Variants in RGS7 observed in about 807,000 individuals in gnomAD.
RGS7 encodes regulator of G protein signaling 7, also known as regulator of G-protein signaling 7.
RGS7 carries 27 observed loss-of-function variants against 81.1 expected under a neutral mutation model. The ratio of observed to expected loss-of-function variants is 0.33; its 90% CI spans 0.25 to 0.46. The LOEUF is 0.46. Among genes scored for constraint, RGS7 ranks in the 20% least tolerant of loss-of-function variants. The pLI is 1.00. For synonymous variants in RGS7, 208 were observed against 207.7 expected (o/e 1.00, Z -0.01); for missense variants, 396 against 607.4 (o/e 0.65, Z 3.66).
At chr1:241,079,031 G>C (rs1375111406) in intron 3 of RGS7, among the ~76,000 whole-genome samples, 1 of 152,094 alleles carries the variant, frequency 6.6e-6, no homozygotes, top group East Asian at 1.9e-4. Context: ...GAGTGTTTGG[G>C]GGGCTCTGGA....
At chr1:241,132,437 C>T (rs1231237509) in intron 2 of RGS7, 1 of 153,722 alleles carries the variant, frequency 6.5e-6, no homozygotes, top group East Asian at 1.9e-4. Flanking sequence ...GGACCCCTGT[C>T]CCCATGCAGT....
chr1:241,059,736 G>T (rs1340803447), intron 3 of RGS7, among the ~76,000 whole-genome samples: 1 of 150,200 alleles, frequency 6.7e-6, no homozygotes, highest in Non-Finnish European at 1.5e-5. Flanking sequence ...GTGGTTGATT[G>T]GTCCCACCAC....
At chr1:240,902,009 T>C (rs1558439440) in intron 6 of RGS7, among the ~76,000 whole-genome samples, 2 of 152,364 alleles carry the variant, frequency 1.3e-5, no homozygotes, top group Non-Finnish European at 1.5e-5. Context: ...TAAGGGTCAA[T>C]AGAGCCATCG....
intron 18 of RGS7, among the ~76,000 whole-genome samples, chr1:240,793,868 T>G (rs1018224711): frequency 6.6e-6 from 1 of 151,958 alleles, no homozygotes; most frequent in African/African-American, 2.4e-5. Flanking sequence ...CGCCTCAGCC[T>G]CCCAAAGTGC....
At chr1:241,240,146 T>C (rs1573302222) in intron 2 of RGS7, among the ~76,000 whole-genome samples, 1 of 152,124 alleles carries the variant, frequency 6.6e-6, no homozygotes, top group East Asian at 1.9e-4. Flanking sequence ...GTGAGACAGA[T>C]GGCCAAGAGA....
At chr1:241,126,111 T>G (rs1004318636) in intron 2 of RGS7, among the ~76,000 whole-genome samples, 50 of 152,004 alleles carry the variant, frequency 3.3e-4, no homozygotes, top group African/African-American at 1.2e-3. Flanking sequence ...GAAATGGGAA[T>G]AATTGAGGTT....
chr1:240,806,342 G>T lies in RGS7; in HGVS notation c.1083-16C>A, dbSNP rs758875724. On this transcript the variant is annotated splice_polypyrimidine_tract_variant and intron_variant, in intron 14 of 18. Coordinates refer to ENST00000440928, the MANE Select transcript of RGS7 (RefSeq NM_001364886.1). ...CAGCCAGAATCTATGCAGAATGTGA[G>T]ATCGGGTGTTTACTCTGATGGCCCA... 1.2e-6 allele frequency: 2 copies of T among 1,613,088 alleles called. No individual in the cohort carries two copies. The highest frequency in any genetic ancestry group is 1.7e-6 in the Non-Finnish European group (2 of 1,179,224).
intron 2 of RGS7, among the ~76,000 whole-genome samples, chr1:241,178,498 C>T (rs2071344895): frequency 6.6e-6 from 1 of 151,992 alleles, no homozygotes. Context: ...GTTCATTCAG[C>T]ACCTGTAGGT....
intron 2 of RGS7, among the ~76,000 whole-genome samples, chr1:241,320,220 G>A (rs1443604812): frequency 6.6e-6 from 1 of 152,196 alleles, no homozygotes. Flanking sequence ...CCTAATAGGT[G>A]CTGTTGCTGA....
chr1:240,960,445 T>C (rs1681230990), intron 4 of RGS7, among the ~76,000 whole-genome samples: 2 of 151,222 alleles, frequency 1.3e-5, no homozygotes, highest in South Asian at 2.1e-4. Flanking sequence ...GGTTTCACCA[T>C]GTCACAGGCT....
intron 4 of RGS7, among the ~76,000 whole-genome samples, chr1:240,970,356 G>T (rs1287774492): frequency 6.6e-6 from 1 of 152,188 alleles, no homozygotes. Flanking sequence ...TACATTCTAG[G>T]TTTGGGGACT....
At chr1:240,903,065 C>T (rs1015027616) in intron 6 of RGS7, among the ~76,000 whole-genome samples, 5 of 152,178 alleles carry the variant, frequency 3.3e-5, no homozygotes, top group African/African-American at 1.2e-4. Flanking sequence ...GTTCTGATAG[C>T]AAAGTTTAAA....
At chr1:241,097,244 G>T (rs1572676653) in intron 3 of RGS7, among the ~76,000 whole-genome samples, 1 of 151,900 alleles carries the variant, frequency 6.6e-6, no homozygotes, top group East Asian at 1.9e-4. Context: ...GAGGAGAGGA[G>T]AAATGGAGTG....
intron 6 of RGS7, among the ~76,000 whole-genome samples, chr1:240,896,288 T>C (rs1447235754): frequency 6.6e-6 from 1 of 152,364 alleles, no homozygotes; most frequent in African/African-American, 2.4e-5. Flanking sequence ...TTTAGTTTAA[T>C]TAGATCCCAT....
intron 2 of RGS7, among the ~76,000 whole-genome samples, chr1:241,325,459 C>T (rs1035614474): frequency 1.3e-5 from 2 of 152,064 alleles, no homozygotes; most frequent in African/African-American, 2.4e-5. Context: ...GACCATAGGA[C>T]GGTAAAAAGG....
intron 3 of RGS7, among the ~76,000 whole-genome samples, chr1:241,062,445 C>T (rs1427364250): frequency 5.3e-5 from 8 of 152,064 alleles, no homozygotes; most frequent in Non-Finnish European, 1.2e-4. Context: ...ATCAGATTAC[C>T]GGTGAAAATT....
chr1:241,139,370 A>T (rs1413965505), intron 2 of RGS7, among the ~76,000 whole-genome samples: 1 of 151,586 alleles, frequency 6.6e-6, no homozygotes, highest in Non-Finnish European at 1.5e-5. Context: ...CTAATGTACT[A>T]CATTTTGTTT....
At chr1:240,815,634 T>C (rs921831853) in intron 11 of RGS7, among the ~76,000 whole-genome samples, 5 of 152,150 alleles carry the variant, frequency 3.3e-5, no homozygotes, top group African/African-American at 4.8e-5. Flanking sequence ...ACTAGAAAAG[T>C]ATATTTTACA....
chr1:240,953,017 T>C (rs1679819205), intron 4 of RGS7, among the ~76,000 whole-genome samples: 1 of 151,918 alleles, frequency 6.6e-6, no homozygotes. Flanking sequence ...GAAGATCACT[T>C]TTCTATTACA....
Sources: gnomAD v4.1 joint callset for allele counts (sites outside exome capture counted in the v4.1 genomes callset) on GRCh38, gnomAD v4.1.1 for gene constraint, MANE v1.5 for transcripts, NCBI Gene and HGNC (gene_info 2026-07-23, HGNC 2026-07-21) for gene names.